Variants in SLC35D4 observed in about 807,000 individuals in gnomAD.
SLC35D4 encodes UDP-N-acetylglucosamine transporter SLC35D4.
At chr18:23,423,160 T>G in the SLC35D4 span, among the ~76,000 whole-genome samples, 1 of 152,214 alleles carries the variant, frequency 6.6e-6, no homozygotes, top group African/African-American at 2.4e-5. Context: ...CTTGGGAACA[T>G]GCCAGGCCAT....
At chr18:23,238,953 A>G in the SLC35D4 span, among the ~76,000 whole-genome samples, 231 of 152,286 alleles carry the variant, frequency 1.5e-3, 1 homozygote, top group African/African-American at 5.4e-3. Context: ...TAACCAAGAG[A>G]ATAGGAAGGT....
chr18:23,355,777 A>G, the SLC35D4 span, among the ~76,000 whole-genome samples: 1 of 152,118 alleles, frequency 6.6e-6, no homozygotes, highest in African/African-American at 2.4e-5. Context: ...TTTATAGTCA[A>G]CCTGAGTAGA....
At chr18:23,402,281 T>C in the SLC35D4 span, among the ~76,000 whole-genome samples, 1 of 152,138 alleles carries the variant, frequency 6.6e-6, no homozygotes. Flanking sequence ...GGAAAAAGAA[T>C]TAAAAATCAA....
At chr18:23,352,926 G>C in the SLC35D4 span, among the ~76,000 whole-genome samples, 1 of 152,344 alleles carries the variant, frequency 6.6e-6, no homozygotes, top group South Asian at 2.1e-4. Context: ...GGACCAACAA[G>C]GGCGAGGGCA....
the SLC35D4 span, among the ~76,000 whole-genome samples, chr18:23,405,008 A>G: frequency 1.3e-5 from 2 of 149,784 alleles, no homozygotes; most frequent in Non-Finnish European, 3.0e-5. Flanking sequence ...AAAAAAAAAA[A>G]AAAAAAAAAA....
the SLC35D4 span, among the ~76,000 whole-genome samples, chr18:23,288,593 T>C: frequency 1.1e-4 from 17 of 150,626 alleles, no homozygotes; most frequent in African/African-American, 3.4e-4. Flanking sequence ...TTACTCAACA[T>C]GCCCCGAGTC....
At chr18:23,356,490 C>G in the SLC35D4 span, 29 of 1,188,166 alleles carry the variant, frequency 2.4e-5, no homozygotes, top group Non-Finnish European at 3.5e-5. This position sits in a 1 kb window ranked among gnomAD's most constrained non-coding sequence, Gnocchi z 4.1. Flanking sequence ...CCACCACTCT[C>G]TCCTGCCACT....
the SLC35D4 span, among the ~76,000 whole-genome samples, chr18:23,343,253 T>A: frequency 6.6e-6 from 1 of 151,912 alleles, no homozygotes. Flanking sequence ...TTTATATTTT[T>A]TATTTTTATT....
chr18:23,338,507 T>G, the SLC35D4 span, among the ~76,000 whole-genome samples: 1 of 152,078 alleles, frequency 6.6e-6, no homozygotes, highest in Non-Finnish European at 1.5e-5. Context: ...ATTGCATTGT[T>G]TACAGATGAG....
At chr18:23,424,552 T>C in the SLC35D4 span, among the ~76,000 whole-genome samples, 1 of 152,140 alleles carries the variant, frequency 6.6e-6, no homozygotes, top group Non-Finnish European at 1.5e-5. Flanking sequence ...AATCCAAGCG[T>C]AGAGATTACC....
the SLC35D4 span, among the ~76,000 whole-genome samples, chr18:23,388,524 G>A: frequency 6.6e-6 from 1 of 152,216 alleles, no homozygotes; most frequent in African/African-American, 2.4e-5. Flanking sequence ...TAGCCTTGGA[G>A]TTGTGACGCA....
the SLC35D4 span, among the ~76,000 whole-genome samples, chr18:23,387,091 T>A: frequency 6.6e-6 from 1 of 152,128 alleles, no homozygotes; most frequent in African/African-American, 2.4e-5. Context: ...TGTATTTTTT[T>A]AGTAGAATCG....
chr18:23,302,464 A>G, the SLC35D4 span, among the ~76,000 whole-genome samples: 1 of 152,210 alleles, frequency 6.6e-6, no homozygotes, highest in South Asian at 2.1e-4. Flanking sequence ...GACATCCTAC[A>G]AGGCACAGAA....
the SLC35D4 span, among the ~76,000 whole-genome samples, chr18:23,243,470 T>G: frequency 1.5e-5 from 2 of 134,168 alleles, no homozygotes; most frequent in Non-Finnish European, 3.3e-5. Flanking sequence ...GGTTTGGTGT[T>G]TTTTTTTTTT....
chr18:23,240,567 A>C, the SLC35D4 span, among the ~76,000 whole-genome samples: 1 of 152,332 alleles, frequency 6.6e-6, no homozygotes, highest in African/African-American at 2.4e-5. Flanking sequence ...ATCTCTGCCC[A>C]GACAGAGGGC....
chr18:23,300,686 T>C, the SLC35D4 span, among the ~76,000 whole-genome samples: 2 of 152,248 alleles, frequency 1.3e-5, no homozygotes, highest in African/African-American at 4.8e-5. Context: ...GGAATCTTAA[T>C]AGCATTACAA....
At chr18:23,242,768 T>A in the SLC35D4 span, among the ~76,000 whole-genome samples, 1 of 152,196 alleles carries the variant, frequency 6.6e-6, no homozygotes, top group Non-Finnish European at 1.5e-5. Flanking sequence ...TGGATTAATC[T>A]CCATGATAAA....
chr18:23,320,048 T>C, the SLC35D4 span, among the ~76,000 whole-genome samples: 2 of 132,692 alleles, frequency 1.5e-5, no homozygotes, highest in South Asian at 5.2e-4. Flanking sequence ...TGGCAGTGAA[T>C]AGTTTTACAA....
chr18:23,327,151 GAACA>G, the SLC35D4 span, among the ~76,000 whole-genome samples: 1 of 152,072 alleles, frequency 6.6e-6, no homozygotes. Flanking sequence ...GGAAAAGCAA[GAACA>G]AACAAATTCA....
Sources: gnomAD v4.1 joint callset for allele counts (sites outside exome capture counted in the v4.1 genomes callset) on GRCh38, gnomAD v4.1.1 for gene constraint, Gnocchi (gnomAD v3.1) non-coding constraint, MANE v1.5 for transcripts, NCBI Gene and HGNC (gene_info 2026-07-23, HGNC 2026-07-21) for gene names.